The following ESRRG variants were observed in gnomAD, a reference collection of about 807,000 sequenced individuals.
The protein encoded by ESRRG is estrogen related receptor gamma.
In ESRRG, 13 loss-of-function variants were observed where a neutral mutation model predicts 44.0. The ratio of observed to expected loss-of-function variants is 0.30; its 90% CI spans 0.19 to 0.47. The LOEUF is 0.47. ESRRG is among the 20% of genes least tolerant of loss of function. The pLI, the probability that ESRRG is intolerant of heterozygous loss-of-function variation, is 1.00. For missense variants in ESRRG, 395 were observed against 580.6 expected (o/e 0.68, Z 3.29); for synonymous variants, 215 against 214.6 (o/e 1.00, Z -0.02).
chr1:216,704,459 G>C (rs2082066768), intron 1 of ESRRG, among the ~76,000 whole-genome samples: 2 of 152,288 alleles, frequency 1.3e-5, no homozygotes, highest in East Asian at 3.9e-4. Flanking sequence ...AGAGGTTGCA[G>C]TGAGCCAAGA....
chr1:216,867,222 G>A (rs1268471885), intron 2 of ESRRG, among the ~76,000 whole-genome samples: 4 of 152,170 alleles, frequency 2.6e-5, no homozygotes, highest in African/African-American at 7.2e-5. Context: ...TGTAGAAACT[G>A]TAAGTGTGCA....
chr1:217,114,672 T>C (rs900693366), intron 1 of ESRRG, among the ~76,000 whole-genome samples: 10 of 146,730 alleles, frequency 6.8e-5, no homozygotes, highest in Non-Finnish European at 1.2e-4. Context: ...GATTTCTTTT[T>C]TTTTTTTTTT....
At chr1:216,555,587 C>T (rs2057377873) in intron 5 of ESRRG, among the ~76,000 whole-genome samples, 1 of 151,530 alleles carries the variant, frequency 6.6e-6, no homozygotes, top group South Asian at 2.1e-4. Flanking sequence ...AATCACTTCT[C>T]TGCCTGTTTA....
At chr1:216,683,033 C>T (rs750861390) in intron 1 of ESRRG, among the ~76,000 whole-genome samples, 5 of 152,070 alleles carry the variant, frequency 3.3e-5, no homozygotes, top group Admixed American at 2.0e-4. Flanking sequence ...AACGGTGCAA[C>T]GTGTGATTTG....
intron 2 of ESRRG, among the ~76,000 whole-genome samples, chr1:216,656,516 T>C (rs1447934050): frequency 6.6e-6 from 1 of 152,182 alleles, no homozygotes; most frequent in Non-Finnish European, 1.5e-5. Flanking sequence ...CTTAATAGAA[T>C]CTTGCAGCTA....
chr1:217,105,369 T>A lies in ESRRG; in HGVS notation c.-230+32298A>T, dbSNP rs1471450108. Among the ~76,000 whole-genome samples the A allele has an allele frequency of 2.6e-5, 4 of 152,230 alleles. No homozygotes were observed. In the East Asian group the frequency reaches 7.7e-4, roughly 29 times the overall value. ...CACAATAATCCTACAAGGTAGTCAC[T>A]GTCTTCTAATAGACTTTGTAGAGGT... On this transcript the variant is annotated intron_variant, in intron 1 of 8. Coordinates refer to the ESRRG transcript ENST00000366940.
intron 2 of ESRRG, among the ~76,000 whole-genome samples, chr1:216,767,716 A>G (rs1446359545): frequency 2.0e-5 from 3 of 152,112 alleles, no homozygotes; most frequent in Admixed American, 1.3e-4. Flanking sequence ...TTTTTCTTCA[A>G]ATGAATTTTC....
At chr1:216,938,427 A>C (rs1443423903) in intron 2 of ESRRG, among the ~76,000 whole-genome samples, 1 of 152,178 alleles carries the variant, frequency 6.6e-6, no homozygotes, top group South Asian at 2.1e-4. Context: ...CCAGAACTCC[A>C]TTTTATGATA....
At chr1:216,943,897 C>CA (rs2065661710) in intron 1 of ESRRG, among the ~76,000 whole-genome samples, 1 of 152,070 alleles carries the variant, frequency 6.6e-6, no homozygotes, top group Admixed American at 6.6e-5. Flanking sequence ...ACAGGATATA[C>CA]AAGCAAGCTA....
At chr1:216,517,313 C>T (rs760832978) in intron 6 of ESRRG, among the ~76,000 whole-genome samples, 39 of 152,216 alleles carry the variant, frequency 2.6e-4, no homozygotes, top group South Asian at 6.2e-4. Context: ...TGGATTAGGA[C>T]GTTTATCTAT....
At chr1:216,754,886 G>A (rs184711253) in intron 2 of ESRRG, among the ~76,000 whole-genome samples, 1 of 151,730 alleles carries the variant, frequency 6.6e-6, no homozygotes, top group Non-Finnish European at 1.5e-5. Flanking sequence ...CTACACAGAT[G>A]GGGAATGCAT....
intron 1 of ESRRG, among the ~76,000 whole-genome samples, chr1:216,962,743 A>G (rs554780372): frequency 6.6e-6 from 1 of 152,286 alleles, no homozygotes; most frequent in South Asian, 2.1e-4. Context: ...GCTTTCTAAA[A>G]AGACACTGTA....
At chr1:217,134,701 C>G (rs1338786329) in intron 1 of ESRRG, among the ~76,000 whole-genome samples, 2 of 152,236 alleles carry the variant, frequency 1.3e-5, no homozygotes, top group Non-Finnish European at 2.9e-5. Context: ...AGCTCTTCCC[C>G]GCGTGTTTGG....
intron 2 of ESRRG, among the ~76,000 whole-genome samples, chr1:216,833,219 T>TA (rs113601574): frequency 6.2e-4 from 93 of 150,882 alleles, no homozygotes; most frequent in South Asian, 5.0e-3. Flanking sequence ...GCATATTTTC[T>TA]AAAAAAAAAC....
intron 1 of ESRRG, among the ~76,000 whole-genome samples, chr1:217,130,868 C>T: frequency 6.8e-6 from 1 of 147,522 alleles, no homozygotes; most frequent in East Asian, 2.0e-4. Context: ...TACATTTTCT[C>T]CCACGAAGAA....
chr1:216,844,994 A>G (rs1050267563), intron 2 of ESRRG, among the ~76,000 whole-genome samples: 3 of 151,912 alleles, frequency 2.0e-5, no homozygotes, highest in African/African-American at 7.3e-5. Context: ...CAGATCCAAT[A>G]TTTTCTCACA....
At chr1:217,090,413 A>G (rs1183763984), upstream of ESRRG, 2 of 151,790 alleles carry the variant, frequency 1.3e-5, no homozygotes, top group Admixed American at 6.6e-5. Context: ...CTGAAAAACC[A>G]TTTTCCCTTC....
At chr1:216,618,239 T>G (rs900989864) in intron 3 of ESRRG, among the ~76,000 whole-genome samples, 31 of 152,354 alleles carry the variant, frequency 2.0e-4, no homozygotes, top group African/African-American at 7.2e-4. Flanking sequence ...AAAGAACAGA[T>G]ATATTATGGA....
At chr1:217,048,209 G>A (rs952646350) in intron 1 of ESRRG, among the ~76,000 whole-genome samples, 12 of 152,166 alleles carry the variant, frequency 7.9e-5, no homozygotes, top group Non-Finnish European at 1.6e-4. Flanking sequence ...GGTCCTGTGT[G>A]CTCAGTGGAG....
Sources: gnomAD v4.1 joint callset for allele counts (sites outside exome capture counted in the v4.1 genomes callset) on GRCh38, gnomAD v4.1.1 for gene constraint, MANE v1.5 for transcripts, NCBI Gene and HGNC (gene_info 2026-07-23, HGNC 2026-07-21) for gene names.